SCUBE2: variants seen among roughly 807,000 people sequenced by gnomAD.
SCUBE2 encodes the protein signal peptide, CUB and EGF-like domain-containing protein 2.
In SCUBE2, 114 loss-of-function variants were observed where a neutral mutation model predicts 125.9. The observed-to-expected ratio is 0.91, with a 90% confidence interval of 0.78 to 1.06. SCUBE2 has a LOEUF of 1.06. SCUBE2 is among the 50% of genes least tolerant of loss of function. SCUBE2 has a pLI of 0.00. For missense variants in SCUBE2, 1,255 were observed against 1,301.8 expected, an observed-to-expected ratio of 0.96 and a Z score of 0.55; for synonymous variants, 459 against 492.9, an observed-to-expected ratio of 0.93 and a Z score of 0.91.
chr11:9,067,363 A>G (rs943529230), intron 5 of SCUBE2, among the ~76,000 whole-genome samples: 9 of 152,236 alleles, frequency 5.9e-5, no homozygotes, highest in Admixed American at 2.6e-4. Flanking sequence ...GAATGTATTG[A>G]TGATAGGCCA....
chr11:9,081,087 A>T (rs1457883902), intron 2 of SCUBE2, among the ~76,000 whole-genome samples: 1 of 152,256 alleles, frequency 6.6e-6, no homozygotes, highest in Non-Finnish European at 1.5e-5. Context: ...AAAGATAGAC[A>T]ATAACAAATG....
At chr11:9,083,597 C>T (rs1207649543) in intron 2 of SCUBE2, among the ~76,000 whole-genome samples, 1 of 151,628 alleles carries the variant, frequency 6.6e-6, no homozygotes, top group Admixed American at 6.6e-5. Flanking sequence ...CTCTGTCACC[C>T]AGGCTGGAGT....
rs754803168 is a variant in SCUBE2 at position 9,074,586 on chromosome 11, C to T, written c.412G>A (p.Gly138Ser). Residue 138 changes from glycine to serine, a missense_variant, in exon 4 of 23, where the codon GGC (glycine) becomes AGC (serine). By Grantham distance (56) the Gly-to-Ser change is moderately conservative. Transcript: ENST00000649792. ...DVDECLENNG[G>S]CQHTCVNVMG... Reference sequence around the variant, plus strand: ...ACGTTGACACAGGTATGCTGGCAGCCGCCATTGTTCTCCAGGCACTCGTCC... The same window carrying T: ...ACGTTGACACAGGTATGCTGGCAGCTGCCATTGTTCTCCAGGCACTCGTCC... 6.8e-6 allele frequency: 11 copies of T among 1,614,052 alleles called. No homozygotes were observed. Among genetic ancestry groups the T allele is most frequent in the Middle Eastern group, 1.6e-4 (1 of 6,084 alleles).
rs760261813 is a variant in SCUBE2, at chr11:9,053,094, C to A, written c.1447+5G>T. ...GACCTGCCCCGGGAACTGGGCCCCA[C>A]TCACCTGAAGAGAGGTGAATGCCAG... On this transcript the variant is annotated splice_donor_5th_base_variant and intron_variant, in intron 12 of 22. Transcript: ENST00000649792. 1 of 1,609,634 alleles carries A rather than the reference C, an allele frequency of 6.2e-7. No homozygotes were observed. Among genetic ancestry groups the A allele is most frequent in the African/African-American group, 1.3e-5 (1 of 74,884 alleles).
intron 21 of SCUBE2, chr11:9,024,303 G>C: frequency 8.5e-7 from 1 of 1,178,954 alleles, no homozygotes; most frequent in Non-Finnish European, 1.1e-6. Context: ...CTTTTGGGTA[G>C]ATGAGGCTCT....
At position 9,091,027 on chromosome 11, in the gene SCUBE2, G is replaced by A. The variant is rs1487693048; in HGVS notation, c.133+369C>T. 2.6e-5 allele frequency among the ~76,000 whole-genome samples: 4 copies of A among 152,196 alleles called. No homozygotes were observed. The highest frequency in any genetic ancestry group is 5.9e-5 in the Non-Finnish European group (4 of 68,020). On this transcript the variant is annotated intron_variant, in intron 1 of 22. Transcript: ENST00000649792. This position sits in a 1 kb window ranked among gnomAD's most constrained non-coding sequence, Gnocchi z 8.5. ...ACGGCAAAGCTGCCACCGCCTCGCG[G>A]ATGTGCCCGGCCCGGCCCTCAGTTT...
chr11:9,089,855 G>C, intron 1 of SCUBE2, 26 bp from the exon 2 acceptor site: 1 of 1,610,674 alleles, frequency 6.2e-7, no homozygotes, highest in Admixed American at 1.7e-5. Flanking sequence ...GCTGACACCT[G>C]GTACAGGCTC....
chr11:9,061,096 G>C (rs1859637218), intron 7 of SCUBE2, among the ~76,000 whole-genome samples: 1 of 152,174 alleles, frequency 6.6e-6, no homozygotes, highest in African/African-American at 2.4e-5. Flanking sequence ...TTGTTAAATT[G>C]CAACAATGGA....
chr11:9,036,509 G>A (rs1013094473), intron 16 of SCUBE2, among the ~76,000 whole-genome samples: 2 of 152,202 alleles, frequency 1.3e-5, no homozygotes, highest in Non-Finnish European at 2.9e-5. Context: ...GTAAAACCAA[G>A]GCTGTCCAGA....
chr11:9,089,947 G>A (rs1017063273), intron 1 of SCUBE2, 118 bp from the exon 2 acceptor site: 1 of 1,323,192 alleles, frequency 7.6e-7, no homozygotes, highest in Non-Finnish European at 1.0e-6. Flanking sequence ...ACAAGCTACA[G>A]CTGCTTGGGA....
Position 9,066,757 on chromosome 11 carries a change from C to A in SCUBE2, c.700G>T (p.Gly234Cys). The change falls in exon 6 of 23, where the codon GGC (glycine) becomes TGC (cysteine). Residue 234 changes from glycine (G) to cysteine (C), a missense_variant. Physicochemically the swap from Gly to Cys is radical, Grantham distance 159. Coordinates refer to ENST00000649792, the MANE Select transcript of SCUBE2 (RefSeq NM_001367977.2). Reference protein sequence around the residue: ...CQHSCDDTADGPECSCHPQYK... With the variant: ...CQHSCDDTADCPECSCHPQYK... ...TGTGGATGGCAGCTGCACTCTGGGC[C>A]ATCGGCTGTATCGTCACAGGAGTGC... 1 of 1,614,190 alleles carries A rather than the reference C, an allele frequency of 6.2e-7. No homozygotes were observed. Among genetic ancestry groups the A allele is most frequent in the South Asian group, 1.1e-5 (1 of 91,062 alleles).
At position 9,078,182 on chromosome 11, in the gene SCUBE2, T is replaced by G. The variant is rs553882566; in HGVS notation, c.382+1202A>C. 3.3e-5 allele frequency among the ~76,000 whole-genome samples: 5 copies of G among 152,364 alleles called. No homozygotes were observed. The East Asian group carries it at 9.6e-4, about 29-fold the overall frequency. On this transcript the variant is annotated intron_variant, in intron 3 of 22. Coordinates refer to ENST00000649792, the MANE Select transcript of SCUBE2 (RefSeq NM_001367977.2). ...GTCTGAGTTTTTAATTAATACTGAT[T>G]CCTGCTCTCAGGATTGTCTCTCAAA...
At chr11:9,043,206 TAA>T (rs1857399302) in intron 16 of SCUBE2, among the ~76,000 whole-genome samples, 1 of 152,210 alleles carries the variant, frequency 6.6e-6, no homozygotes, top group Non-Finnish European at 1.5e-5. Flanking sequence ...TTGTTTCTTC[TAA>T]AAATCTCAGC....
rs1858681465 is a variant in SCUBE2 at position 9,053,726 on chromosome 11, C to G, written c.1241G>C (p.Cys414Ser). 6.2e-7 allele frequency: 1 copy of G among 1,614,200 alleles called. No homozygotes were observed. Among genetic ancestry groups the G allele is most frequent in the Non-Finnish European group, 8.5e-7 (1 of 1,180,026 alleles). ...TNECSINNGGCQQVCVNTVGS... is the reference protein window; with the variant it reads ...TNECSINNGGSQQVCVNTVGS... ...CACTGTGTTCACACAGACCTGCTGA[C>G]AGCCTCCGTTGTTGATGCTGCACTC... Residue 414 changes from cysteine to serine, a missense_variant, in exon 11 of 23, where the codon TGT becomes TCT. Cys to Ser is a moderately radical substitution (Grantham distance 112). Transcript: ENST00000649792.
chr11:9,025,020 G>T (rs554314354), intron 21 of SCUBE2, among the ~76,000 whole-genome samples: 1 of 152,288 alleles, frequency 6.6e-6, no homozygotes, highest in African/African-American at 2.4e-5. Flanking sequence ...TCTCCTACAG[G>T]ACTGTGTAGT....
Position 9,021,103 on chromosome 11 carries a change from C to T in SCUBE2, c.3029G>A (p.Arg1010Lys), listed in dbSNP as rs751726149. The change falls in exon 23 of 23, where the codon AGA (arginine) becomes AAA (lysine). Residue 1010 changes from arginine (R) to lysine (K), a missense_variant. Arg to Lys is a conservative substitution (Grantham distance 26). This residue lies in a region of SCUBE2 where 515 missense variants were observed against 515.7 expected (regional missense o/e 1.00). Coordinates refer to ENST00000649792, the MANE Select transcript of SCUBE2 (RefSeq NM_001367977.2). ...TAQESREMFPRSFIRLLRSKV... is the reference protein window; with the variant it reads ...TAQESREMFPKSFIRLLRSKV... ...GGAACGTAGCAATCGGATGAACGAT[C>T]TTGGAAACATCTCTCGGGACTCCTG... 8.1e-6 allele frequency: 13 copies of T among 1,613,682 alleles called. No homozygotes were observed. The highest frequency in any genetic ancestry group is 1.1e-5 in the South Asian group (1 of 90,968).
intron 15 of SCUBE2, 41 bp downstream of exon 15, chr11:9,047,902 G>A (rs757869110): frequency 6.4e-7 from 1 of 1,569,800 alleles, no homozygotes; most frequent in Non-Finnish European, 8.6e-7. Flanking sequence ...TAAGGAGCAA[G>A]CCGTGAGAAG....
intron 9 of SCUBE2, among the ~76,000 whole-genome samples, chr11:9,056,444 C>T (rs1171225799): frequency 1.3e-5 from 2 of 152,236 alleles, no homozygotes; most frequent in Non-Finnish European, 2.9e-5. Flanking sequence ...TTAATGCCCT[C>T]TGCACTGAAA....
chr11:9,063,961 G>A (rs1025330010), intron 7 of SCUBE2, among the ~76,000 whole-genome samples: 3 of 152,186 alleles, frequency 2.0e-5, no homozygotes, highest in African/African-American at 7.2e-5. Flanking sequence ...ATCATAGCAC[G>A]TTACATGACT....
Sources: allele counts gnomAD v4.1 joint callset (sites outside exome capture counted in the v4.1 genomes callset), GRCh38; gene constraint gnomAD v4.1.1; regional missense constraint gnomAD v4.1.1; non-coding constraint Gnocchi (gnomAD v3.1); transcripts MANE v1.5; gene names NCBI Gene and HGNC (gene_info 2026-07-23, HGNC 2026-07-21).